UNC80: variants seen among roughly 807,000 people sequenced by gnomAD.
UNC80 encodes protein unc-80 homolog.
UNC80 carries 164 observed loss-of-function variants against 384.6 expected under a neutral mutation model. That is an observed-to-expected ratio of 0.43 (90% CI 0.38 to 0.49). The LOEUF (loss-of-function observed/expected upper bound fraction) is 0.49, where lower values mean the gene tolerates loss of function less well. Ranked by LOEUF, UNC80 falls within the 20% of genes least tolerant of loss-of-function variation. The pLI, the probability that UNC80 is intolerant of heterozygous loss-of-function variation, is 0.00. For synonymous variants in UNC80, 1,486 were observed against 1,527.8 expected (o/e 0.97, Z 0.64); for missense variants, 3,330 against 4,143.0 (o/e 0.80, Z 5.39).
chr2:209,934,806 T>C (rs549159434), intron 39 of UNC80, among the ~76,000 whole-genome samples: 1 of 152,336 alleles, frequency 6.6e-6, no homozygotes, highest in East Asian at 1.9e-4. Flanking sequence ...TGTGAAATAC[T>C]TGCTGCCATA....
chr2:209,992,317 A>C, intron 62 of UNC80, 70 bp downstream of exon 62: 1 of 1,397,618 alleles, frequency 7.2e-7, no homozygotes, highest in East Asian at 2.5e-5. Flanking sequence ...TTTAATGCCC[A>C]TGTATATTAA....
intron 58 of UNC80, among the ~76,000 whole-genome samples, chr2:209,978,005 A>G (rs768428284): frequency 2.0e-5 from 3 of 152,230 alleles, no homozygotes; most frequent in Admixed American, 6.5e-5. Flanking sequence ...ATTATCATTC[A>G]AATATTCTAC....
At chr2:209,930,111 A>T (rs1366874435) in intron 37 of UNC80, 140 bp downstream of exon 37, 1 of 440,320 alleles carries the variant, frequency 2.3e-6, no homozygotes, top group African/African-American at 2.0e-5. Flanking sequence ...TTAAATAATG[A>T]TAATGATGAG....
intron 26 of UNC80, among the ~76,000 whole-genome samples, chr2:209,891,495 T>G (rs984690423): frequency 6.6e-6 from 1 of 152,134 alleles, no homozygotes; most frequent in Non-Finnish European, 1.5e-5. Context: ...AGATAGTAGA[T>G]AATTCCTAAT....
rs778162811 is a variant in UNC80 at position 209,815,317 on chromosome 2, G to T, written c.1261G>T (p.Val421Phe). The change falls in exon 9 of 65, where the codon GTT becomes TTT. Residue 421 changes from valine to phenylalanine, a missense_variant. Around this residue, in one of 8 missense-constraint regions of UNC80, gnomAD observed 937 missense variants for 1,026.8 expected, o/e 0.91. Transcript: ENST00000673920. ...TCTTAGCTCTGAGGCCTTTTCCAAG[G>T]TTTCACTGACCAATCTGCGTAGATC... ...KSLSSEAFSK[V>F]SLTNLRRSAV... 1.3e-6 allele frequency: 2 copies of T among 1,551,658 alleles called. No homozygotes were observed. Among genetic ancestry groups the T allele is most frequent in the Admixed American group, 2.0e-5 (1 of 51,008 alleles).
chr2:209,793,429 A>G (rs529128323), intron 6 of UNC80, among the ~76,000 whole-genome samples: 8 of 152,310 alleles, frequency 5.3e-5, no homozygotes, highest in Middle Eastern at 6.8e-3. Flanking sequence ...TCCTATAGAT[A>G]CTGGGTATGG....
At chr2:209,886,267 T>C (rs2085796931) in intron 25 of UNC80, among the ~76,000 whole-genome samples, 1 of 151,706 alleles carries the variant, frequency 6.6e-6, no homozygotes, top group Non-Finnish European at 1.5e-5. Flanking sequence ...CCAAAAGTGC[T>C]TTATAAGTTA....
intron 18 of UNC80, among the ~76,000 whole-genome samples, chr2:209,837,691 T>C (rs2081421150): frequency 6.6e-6 from 1 of 152,212 alleles, no homozygotes; most frequent in African/African-American, 2.4e-5. Context: ...GTTTCCGTGG[T>C]GTTGAACATT....
chr2:209,994,338 T>G (rs2125035009), intron 64 of UNC80, 74 bp downstream of exon 64: 2 of 1,331,296 alleles, frequency 1.5e-6, no homozygotes, highest in African/African-American at 3.0e-5. Flanking sequence ...GATATGCACA[T>G]TTATTCCATA....
intron 44 of UNC80, 121 bp downstream of exon 44, chr2:209,941,610 C>A: frequency 1.8e-6 from 2 of 1,135,840 alleles, no homozygotes; most frequent in Non-Finnish European, 2.4e-6. Flanking sequence ...TTTGTGACAA[C>A]AGAAGGCAAC....
At position 209,815,343 on chromosome 2, in the gene UNC80, T is replaced by C; in HGVS notation, c.1287T>C (p.Ser429=). The C allele has an allele frequency of 6.4e-7, 1 of 1,551,720 alleles. No homozygotes were observed. Among genetic ancestry groups the C allele is most frequent in the Non-Finnish European group, 8.7e-7 (1 of 1,146,994 alleles). The change falls in exon 9 of 65, where the codon TCT becomes TCC. Residue 429 remains serine (S), a synonymous_variant. Coordinates refer to ENST00000673920, the MANE Select transcript of UNC80 (RefSeq NM_001371986.1). ...SKVSLTNLRR[S]AVPDLSSDLG... ...TTTCACTGACCAATCTGCGTAGATCTGCAGTCCCAGATCTTTCTTCAGACC... is the reference window on the plus strand; with the variant it reads ...TTTCACTGACCAATCTGCGTAGATCCGCAGTCCCAGATCTTTCTTCAGACC...
chr2:209,879,082 CT>C (rs1255399592), intron 24 of UNC80, among the ~76,000 whole-genome samples: 2 of 151,846 alleles, frequency 1.3e-5, no homozygotes, highest in African/African-American at 4.8e-5. Flanking sequence ...CTTCTAAGAC[CT>C]TATCAAATCA....
In UNC80 at chr2:209,903,320, A is replaced by ATATGTG. The variant is rs1553582548; in HGVS notation, c.4582-1444_4582-1443insATGTGT. ...ATATACAATATATATATTATATTAT[A>ATATGTG]TGTGTGTGTGTGTGTGTGTGTGTGT... On this transcript the variant is annotated intron_variant, in intron 28 of 64. Coordinates refer to ENST00000673920, the MANE Select transcript of UNC80 (RefSeq NM_001371986.1). Among the ~76,000 whole-genome samples the ATATGTG allele has an allele frequency of 1.7e-3, 175 of 105,784 alleles. 1 individual carries two copies. Among genetic ancestry groups the ATATGTG allele is most frequent in the African/African-American group, 5.4e-3 (149 of 27,792 alleles). The allele number at this position is 105,784 out of a possible 152,430, so 69.4% of individuals were successfully genotyped here.
intron 53 of UNC80, among the ~76,000 whole-genome samples, chr2:209,970,581 G>A (rs2092856007): frequency 6.6e-6 from 1 of 152,062 alleles, no homozygotes; most frequent in South Asian, 2.1e-4. Context: ...TAGCTTTTTG[G>A]TTCATCTCTC....
intron 29 of UNC80, among the ~76,000 whole-genome samples, chr2:209,907,276 G>A (rs1327624768): frequency 6.8e-6 from 1 of 146,812 alleles, no homozygotes; most frequent in Non-Finnish European, 1.5e-5. Context: ...ACTTTGCGCT[G>A]GGTACAATAA....
intron 51 of UNC80, among the ~76,000 whole-genome samples, chr2:209,964,825 T>A: frequency 1.4e-5 from 2 of 143,928 alleles, no homozygotes. Context: ...AGGGGGGAAA[T>A]CGACATATTA....
chr2:209,960,504 A>G (rs1312925979), intron 51 of UNC80, among the ~76,000 whole-genome samples: 2 of 152,248 alleles, frequency 1.3e-5, no homozygotes, highest in Non-Finnish European at 2.9e-5. Flanking sequence ...ATGGGTAACA[A>G]AAGATTCACT....
rs1435848024 is a variant in UNC80 at position 209,819,095 on chromosome 2, T to C, written c.1796T>C (p.Leu599Pro). 4.5e-6 allele frequency: 7 copies of C among 1,552,168 alleles called. No individual in the cohort carries two copies. In the South Asian group the frequency reaches 5.9e-5, roughly 13 times the overall value. Residue 599 changes from leucine (L) to proline (P), a missense_variant, in exon 12 of 65, where the codon CTC (leucine) becomes CCC (proline). Transcript: ENST00000673920. Reference protein sequence around the residue: ...ADFFNEHMRKLCNQVPIPEMP... With the variant: ...ADFFNEHMRKPCNQVPIPEMP... Reference sequence around the variant, plus strand: ...TTTTTCAATGAGCATATGAGGAAACTCTGCAACCAGGTGCCTATCCCGGAG... The same window carrying C: ...TTTTTCAATGAGCATATGAGGAAACCCTGCAACCAGGTGCCTATCCCGGAG...
chr2:209,876,630 C>T (rs2084810326), intron 23 of UNC80, among the ~76,000 whole-genome samples: 1 of 152,146 alleles, frequency 6.6e-6, no homozygotes, highest in Non-Finnish European at 1.5e-5. Flanking sequence ...TTGTTGGCTC[C>T]ATTCCAGACT....
Sources: allele counts gnomAD v4.1 joint callset (sites outside exome capture counted in the v4.1 genomes callset), GRCh38; gene constraint gnomAD v4.1.1; regional missense constraint gnomAD v4.1.1; transcripts MANE v1.5; gene names NCBI Gene and HGNC (gene_info 2026-07-23, HGNC 2026-07-21).